SCPEP1: variants seen among roughly 807,000 people sequenced by gnomAD.
SCPEP1 encodes retinoid-inducible serine carboxypeptidase.
Under a neutral mutation model 63.8 loss-of-function variants are expected in SCPEP1, and 51 were observed. The ratio of observed to expected loss-of-function variants is 0.80; its 90% CI spans 0.64 to 1.01. SCPEP1 has a LOEUF of 1.01. Ranked by LOEUF, SCPEP1 falls within the 50% of genes least tolerant of loss-of-function variation. The pLI, the probability that SCPEP1 is intolerant of heterozygous loss-of-function variation, is 0.00. For synonymous variants in SCPEP1, 204 were observed against 207.8 expected (o/e 0.98, Z 0.16); for missense variants, 499 against 554.9 (o/e 0.90, Z 1.01).
intron 10 of SCPEP1, 44 bp from the exon 11 acceptor site, chr17:57,000,811 G>C (rs1021733927): frequency 1.2e-6 from 2 of 1,611,412 alleles, no homozygotes. Context: ...CTCCTGTTTT[G>C]GCAGATTCCA....
rs371140516 is a variant in SCPEP1, at chr17:57,002,139, C to A, written c.1254C>A (p.Tyr418Ter). The A allele has an allele frequency of 6.2e-7, 1 of 1,614,210 alleles. No homozygotes were observed. Residue 418 changes from tyrosine to a stop codon, truncating the protein, a stop_gained, in exon 12 of 13, where the codon TAC becomes TAA. Coordinates refer to ENST00000262288, the MANE Select transcript of SCPEP1 (RefSeq NM_021626.3). LOFTEE classifies it high-confidence loss of function. ...SLETSAFVKS[Y>*]KNLAFYWILK... ...AAACATCTGCTTTTGTCAAGTCCTA[C>A]AAGAACCTTGCTTTCTACTGGATTC... is the stretch of plus-strand genomic sequence containing the variant.
chr17:56,996,803 G>A (rs2144500153), intron 8 of SCPEP1, among the ~76,000 whole-genome samples, 159 bp from the exon 9 acceptor site: 1 of 152,240 alleles, frequency 6.6e-6, no homozygotes, highest in African/African-American at 2.4e-5. Flanking sequence ...ACAGACATGA[G>A]CCACCAGGCC....
At chr17:56,995,424 C>T (rs1382432300) in intron 7 of SCPEP1, 83 bp from the exon 8 acceptor site, 4 of 1,462,254 alleles carry the variant, frequency 2.7e-6, no homozygotes, top group Non-Finnish European at 3.7e-6. Flanking sequence ...TCCCCTCTTT[C>T]TCCTACCCCT....
At chr17:56,980,888 T>C (rs1227410586) in intron 1 of SCPEP1, among the ~76,000 whole-genome samples, 194 bp from the exon 2 acceptor site, 1 of 152,006 alleles carries the variant, frequency 6.6e-6, no homozygotes, top group East Asian at 1.9e-4. Flanking sequence ...CCTGGCCTCC[T>C]ATGCCGCTGT....
In SCPEP1 at chr17:56,997,194, A is replaced by G. The variant is rs114493260; in HGVS notation, c.880+139A>G. On this transcript the variant is annotated intron_variant, in intron 9 of 12. Transcript: ENST00000262288. ...TAACTCACTGTAAGTGGTTTTCAGT[A>G]TATTCCCAGAGTTGTGCAGTCATCA... 8.3e-4 allele frequency: 452 copies of G among 545,060 alleles called. 1 individual carries two copies. The highest frequency in any genetic ancestry group is 7.3e-3 in the African/African-American group (384 of 52,802). 33.8% of individuals were successfully genotyped at this position (545,060 alleles called of 1,614,324 possible). A position where few individuals can be genotyped will look rare whatever the true frequency, so the allele number is the denominator to read the frequency against.
At position 57,006,491 on chromosome 17, in the gene SCPEP1, T is replaced by G; in HGVS notation, c.*256T>G. On this transcript the variant is annotated 3_prime_UTR_variant, in exon 13 of 13. Transcript: ENST00000262288. ...CAAAATAAAGGATGATAATAGATAT[T>G]ATTTTTTCTTATGACAGAAGCAAAT... 7.0e-6 allele frequency: 2 copies of G among 285,308 alleles called. No individual in the cohort carries two copies. Among genetic ancestry groups the G allele is most frequent in the Admixed American group, 1.0e-4 (2 of 19,584 alleles). The allele number at this position is 285,308 out of a possible 1,614,324, so 17.7% of individuals were successfully genotyped here. A position where few individuals can be genotyped will look rare whatever the true frequency, so the allele number is the denominator to read the frequency against.
intron 2 of SCPEP1, 143 bp downstream of exon 2, chr17:56,981,373 G>A: frequency 1.2e-6 from 1 of 801,312 alleles, no homozygotes. Flanking sequence ...GTGCTTCTGA[G>A]GTAGGCTGAG....
At chr17:56,989,003 A>G (rs556664339) in intron 5 of SCPEP1, among the ~76,000 whole-genome samples, 3 of 152,074 alleles carry the variant, frequency 2.0e-5, no homozygotes, top group Admixed American at 6.5e-5. Context: ...CCTGGGCAAC[A>G]TAGCGACACC....
intron 1 of SCPEP1, 38 bp downstream of exon 1, chr17:56,978,273 CTT>C: frequency 1.3e-6 from 2 of 1,505,012 alleles, no homozygotes; most frequent in Non-Finnish European, 1.8e-6. Context: ...TGCCATGCCT[CTT>C]TTTTCTCCAG....
chr17:56,981,343 G>T, intron 2 of SCPEP1, 113 bp downstream of exon 2: 1 of 1,161,396 alleles, frequency 8.6e-7, no homozygotes, highest in Admixed American at 2.1e-5. Context: ...TGGTCCAGCA[G>T]TGTGACCTGG....
At chr17:56,991,032 A>G in intron 5 of SCPEP1, 67 bp from the exon 6 acceptor site, 1 of 1,191,494 alleles carries the variant, frequency 8.4e-7, no homozygotes, top group Non-Finnish European at 1.3e-6. Flanking sequence ...TAAGCTTCCC[A>G]AAGTGTTGGG....
intron 5 of SCPEP1, among the ~76,000 whole-genome samples, chr17:56,990,527 T>C (rs1400086746): frequency 6.6e-6 from 1 of 152,234 alleles, no homozygotes; most frequent in Non-Finnish European, 1.5e-5. Context: ...TATATAGAAT[T>C]GTTTAGCTGA....
chr17:56,987,737 A>T lies in SCPEP1; in HGVS notation c.358A>T (p.Thr120Ser). 6.2e-7 allele frequency: 1 copy of T among 1,614,084 alleles called. No individual in the cohort carries two copies. The highest frequency in any genetic ancestry group is 1.1e-5 in the South Asian group (1 of 91,082). Reference sequence around the variant, plus strand: ...CCTATTTGTGGATAATCCCGTGGGCACTGGGTTCAGTTATGTGAATGGTAG... The same window carrying T: ...CCTATTTGTGGATAATCCCGTGGGCTCTGGGTTCAGTTATGTGAATGGTAG... ...SLLFVDNPVG[T>S]GFSYVNGSGA... Residue 120 changes from threonine (T) to serine (S), a missense_variant, in exon 4 of 13, where the codon ACT becomes TCT. Thr to Ser is a moderately conservative substitution (Grantham distance 58). Coordinates refer to ENST00000262288, the MANE Select transcript of SCPEP1 (RefSeq NM_021626.3).
chr17:56,996,312 C>A (rs1911557827), intron 8 of SCPEP1, among the ~76,000 whole-genome samples: 1 of 151,946 alleles, frequency 6.6e-6, no homozygotes, highest in Non-Finnish European at 1.5e-5. Context: ...TCAAGTGATT[C>A]CCCTGCCTCA....
chr17:56,991,169 T>C lies in SCPEP1; in HGVS notation c.617T>C (p.Val206Ala). The C allele has an allele frequency of 6.2e-7, 1 of 1,612,952 alleles. No homozygotes were observed. Among genetic ancestry groups the C allele is most frequent in the East Asian group, 2.2e-5 (1 of 44,882 alleles). ...TTGGGTGATTCCTGGATCTCCCCTG[T>C]TGGTAAGTGTGGCATTTTCAGGCAT... ...VALGDSWISPVDSVLSWGPYL... is the reference protein window; with the variant it reads ...VALGDSWISPADSVLSWGPYL... Residue 206 changes from valine to alanine, a missense_variant and splice_region_variant, in exon 6 of 13, where the codon GTT (valine) becomes GCT (alanine). Transcript: ENST00000262288.
chr17:56,997,811 T>C (rs1278127417), intron 9 of SCPEP1, among the ~76,000 whole-genome samples: 1 of 151,386 alleles, frequency 6.6e-6, no homozygotes, highest in Non-Finnish European at 1.5e-5. Flanking sequence ...CAGGCCAGAG[T>C]GCCATTGAAT....
chr17:56,984,934 A>G (rs1231264417), intron 2 of SCPEP1: 1 of 178,414 alleles, frequency 5.6e-6, no homozygotes, highest in East Asian at 1.6e-4. Context: ...CCTCACCTCT[A>G]CAAAAAATAC....
intron 5 of SCPEP1, among the ~76,000 whole-genome samples, chr17:56,989,665 AG>A (rs1911334384): frequency 6.6e-6 from 1 of 152,138 alleles, no homozygotes; most frequent in African/African-American, 2.4e-5. Context: ...GAATGGATCC[AG>A]GCGGGCGCGG....
chr17:56,995,196 T>C (rs1375666761), intron 7 of SCPEP1, 178 bp downstream of exon 7: 2 of 573,648 alleles, frequency 3.5e-6, no homozygotes, highest in African/African-American at 3.8e-5. Flanking sequence ...AGGGACAAAT[T>C]GAAAGAAAAT....
Sources: gnomAD v4.1 joint callset for allele counts (sites outside exome capture counted in the v4.1 genomes callset) on GRCh38, gnomAD v4.1.1 for gene constraint, MANE v1.5 for transcripts, NCBI Gene and HGNC (gene_info 2026-07-23, HGNC 2026-07-21) for gene names.